Variants in NELL1 observed in about 807,000 individuals in gnomAD.
NELL1 encodes protein kinase C-binding protein NELL1.
In NELL1, 76 loss-of-function variants were observed where a neutral mutation model predicts 107.4. That is an observed-to-expected ratio of 0.71 (90% confidence interval 0.59 to 0.86). The LOEUF (loss-of-function observed/expected upper bound fraction) is 0.86, where lower values mean the gene tolerates loss of function less well. Ranked by LOEUF, NELL1 falls within the 40% of genes least tolerant of loss-of-function variation. The probability of loss-of-function intolerance (pLI) is 0.00; values close to 1 mark genes in which losing one functional copy is unlikely to be tolerated. For missense variants in NELL1, 1,024 were observed against 1,005.5 expected (o/e 1.02, Z -0.25); for synonymous variants, 353 against 341.2 (o/e 1.03, Z -0.38).
chr11:21,189,079 A>G (rs571881005), intron 13 of NELL1, among the ~76,000 whole-genome samples: 1 of 152,036 alleles, frequency 6.6e-6, no homozygotes, highest in South Asian at 2.1e-4. Flanking sequence ...CATAATGTAT[A>G]TATTCAACTG....
chr11:21,033,812 C>A (rs965326338), intron 12 of NELL1, among the ~76,000 whole-genome samples: 1 of 152,164 alleles, frequency 6.6e-6, no homozygotes, highest in African/African-American at 2.4e-5. Flanking sequence ...TGAGGAATCA[C>A]CATACTGTCT....
chr11:20,733,481 C>G (rs1855693759), intron 2 of NELL1, among the ~76,000 whole-genome samples: 1 of 152,108 alleles, frequency 6.6e-6, no homozygotes, highest in African/African-American at 2.4e-5. Context: ...GAAGCAGGAA[C>G]AGATGAGGAT....
chr11:20,919,280 C>T lies in NELL1; in HGVS notation c.705C>T (p.Ser235=), dbSNP rs577713764. The change falls in exon 7 of 20, where the codon AGC becomes AGT. Residue 235 remains serine (S), a synonymous_variant. Transcript: ENST00000357134. ...GCCCAACCTGCAGTGATTTCTTAAG[C>T]CTGGTGCAAGGAATAATGGATTTAC... The part of the protein sequence containing the change: ...HTCPTCSDFL[S]LVQGIMDLQE... 2.5e-6 allele frequency: 4 copies of T among 1,604,462 alleles called. No homozygotes were observed. The highest frequency in any genetic ancestry group is 1.7e-6 in the Non-Finnish European group (2 of 1,174,200).
At chr11:20,701,263 T>G (rs544421522) in intron 2 of NELL1, among the ~76,000 whole-genome samples, 89 of 152,306 alleles carry the variant, frequency 5.8e-4, no homozygotes, top group Middle Eastern at 3.4e-3. Context: ...TGCTCAGTCA[T>G]GATGAGCATT....
chr11:21,002,401 G>A (rs1471844498), intron 12 of NELL1, among the ~76,000 whole-genome samples: 3 of 152,192 alleles, frequency 2.0e-5, no homozygotes, highest in African/African-American at 4.8e-5. Context: ...AATGCTGTTA[G>A]TGGGGTTGGG....
intron 13 of NELL1, among the ~76,000 whole-genome samples, chr11:21,188,899 T>G (rs549107109): frequency 1.3e-5 from 2 of 152,016 alleles, no homozygotes; most frequent in African/African-American, 2.4e-5. Context: ...ATTGGACCCA[T>G]CATTGAATCC....
intron 14 of NELL1, among the ~76,000 whole-genome samples, chr11:21,355,871 A>G (rs1192016053): frequency 6.6e-6 from 1 of 152,126 alleles, no homozygotes; most frequent in Non-Finnish European, 1.5e-5. Flanking sequence ...TACAGGCAGT[A>G]TTGCTTGGAT....
intron 12 of NELL1, among the ~76,000 whole-genome samples, chr11:20,973,605 A>G (rs1170561272): frequency 1.3e-5 from 2 of 152,308 alleles, no homozygotes; most frequent in East Asian, 3.9e-4. Context: ...CTTCCCACTG[A>G]CATTTGGCAT....
At chr11:21,182,422 G>T (rs1246700397) in intron 13 of NELL1, among the ~76,000 whole-genome samples, 6 of 144,620 alleles carry the variant, frequency 4.1e-5, no homozygotes, top group Non-Finnish European at 8.9e-5. Flanking sequence ...GTGACAGAGT[G>T]AGACTCCGTC....
At chr11:21,412,811 G>T (rs998662901) in intron 15 of NELL1, among the ~76,000 whole-genome samples, 1 of 152,056 alleles carries the variant, frequency 6.6e-6, no homozygotes, top group Non-Finnish European at 1.5e-5. Flanking sequence ...GTGACATGGT[G>T]GCATTTGGGT....
intron 2 of NELL1, among the ~76,000 whole-genome samples, chr11:20,700,520 T>G (rs1007060381): frequency 6.6e-6 from 1 of 151,944 alleles, no homozygotes; most frequent in African/African-American, 2.4e-5. Flanking sequence ...TTCAATAAAA[T>G]TTTTTTTATT....
chr11:20,914,260 C>G (rs1360950458), intron 5 of NELL1, among the ~76,000 whole-genome samples: 1 of 152,096 alleles, frequency 6.6e-6, no homozygotes, highest in Non-Finnish European at 1.5e-5. Context: ...CAAGGTGGTC[C>G]TCATGTATAC....
intron 12 of NELL1, among the ~76,000 whole-genome samples, chr11:21,086,454 G>T (rs1289461472): frequency 6.6e-6 from 1 of 152,128 alleles, no homozygotes; most frequent in Non-Finnish European, 1.5e-5. Flanking sequence ...ATTGGTAGAA[G>T]TCTTTTCAGG....
intron 13 of NELL1, among the ~76,000 whole-genome samples, chr11:21,145,681 A>G (rs1424032900): frequency 6.6e-6 from 1 of 152,176 alleles, no homozygotes; most frequent in Non-Finnish European, 1.5e-5. Flanking sequence ...GACATGCCCA[A>G]GAAAAAGATG....
At chr11:20,792,426 A>G (rs1857092904) in intron 3 of NELL1, among the ~76,000 whole-genome samples, 1 of 151,964 alleles carries the variant, frequency 6.6e-6, no homozygotes, top group Admixed American at 6.5e-5. Flanking sequence ...TTTCTTTCCA[A>G]CTTTAATAAG....
intron 16 of NELL1, among the ~76,000 whole-genome samples, chr11:21,552,686 T>G (rs142801057): frequency 6.6e-6 from 1 of 151,746 alleles, no homozygotes. Flanking sequence ...AGTTGTTTGT[T>G]TAGCATTTTA....
At chr11:21,277,954 C>T (rs185113469) in intron 14 of NELL1, among the ~76,000 whole-genome samples, 217 of 152,100 alleles carry the variant, frequency 1.4e-3, no homozygotes, top group Middle Eastern at 6.8e-3. Flanking sequence ...TGTTAAATGA[C>T]GAGTTGCTGG....
intron 3 of NELL1, among the ~76,000 whole-genome samples, chr11:20,845,036 T>C (rs1431941263): frequency 6.6e-6 from 1 of 152,224 alleles, no homozygotes. Flanking sequence ...GAAAGAATTT[T>C]ATCCAGATGT....
chr11:21,280,216 T>G (rs1565145548), intron 14 of NELL1, among the ~76,000 whole-genome samples: 1 of 152,174 alleles, frequency 6.6e-6, no homozygotes, highest in Non-Finnish European at 1.5e-5. Flanking sequence ...GGACTTTGGT[T>G]GATACTGATG....
Sources: gnomAD v4.1 joint callset for allele counts (sites outside exome capture counted in the v4.1 genomes callset) on GRCh38, gnomAD v4.1.1 for gene constraint, MANE v1.5 for transcripts, NCBI Gene and HGNC (gene_info 2026-07-23, HGNC 2026-07-21) for gene names.